The following KIF26B variants were observed in gnomAD, a reference collection of about 807,000 sequenced individuals.
KIF26B encodes the protein kinesin family member 26B.
A neutral mutation model predicts 151.2 loss-of-function variants in KIF26B; 63 were observed. That is an observed-to-expected ratio of 0.42 (90% confidence interval 0.34 to 0.51). The LOEUF (loss-of-function observed/expected upper bound fraction) is 0.51, where lower values mean the gene tolerates loss of function less well. Ranked by LOEUF, KIF26B falls within the 20% of genes least tolerant of loss-of-function variation. The pLI is 0.07. For synonymous variants in KIF26B, 1,357 were observed against 1,262.1 expected, an observed-to-expected ratio of 1.08 and a Z score of -1.59; for missense variants, 2,813 against 2,913.6, an observed-to-expected ratio of 0.97 and a Z score of 0.79.
intron 5 of KIF26B, among the ~76,000 whole-genome samples, chr1:245,580,267 C>G (rs1401672859): frequency 1.6e-4 from 25 of 152,212 alleles, no homozygotes. Context: ...AGTGGGACAT[C>G]AGAATGAGAC....
chr1:245,245,661 G>A (rs897287919), intron 2 of KIF26B, among the ~76,000 whole-genome samples: 3 of 152,002 alleles, frequency 2.0e-5, no homozygotes, highest in Admixed American at 6.6e-5. Context: ...TGCTGGGTGC[G>A]GTGGCTCATG....
chr1:245,658,806 C>T (rs1056277328), intron 10 of KIF26B, among the ~76,000 whole-genome samples: 8 of 152,312 alleles, frequency 5.3e-5, no homozygotes, highest in African/African-American at 1.2e-4. Context: ...CCTTTCCCCC[C>T]TCCTAATTCT....
At chr1:245,502,751 T>G (rs1449767443) in intron 4 of KIF26B, among the ~76,000 whole-genome samples, 1 of 151,840 alleles carries the variant, frequency 6.6e-6, no homozygotes, top group Non-Finnish European at 1.5e-5. Context: ...TAAAGACACA[T>G]AAAATGGTAG....
chr1:245,307,036 C>T (rs1435818818), intron 2 of KIF26B, among the ~76,000 whole-genome samples: 1 of 152,160 alleles, frequency 6.6e-6, no homozygotes, highest in Non-Finnish European at 1.5e-5. Context: ...CAGGATCAAA[C>T]TTATAAAGAG....
chr1:245,402,373 C>A (rs936066952), intron 3 of KIF26B, among the ~76,000 whole-genome samples: 1 of 152,172 alleles, frequency 6.6e-6, no homozygotes, highest in East Asian at 1.9e-4. Context: ...TTGGCAGGCT[C>A]GCTGGATACA....
At chr1:245,587,924 C>T (rs2043245120) in intron 5 of KIF26B, among the ~76,000 whole-genome samples, 1 of 152,164 alleles carries the variant, frequency 6.6e-6, no homozygotes, top group South Asian at 2.1e-4. Context: ...AGCATCCGTC[C>T]CAGCACATGA....
rs2044766281 is a variant in KIF26B at position 245,701,162 on chromosome 1, G to A, written c.6179-1296G>A. Among the ~76,000 whole-genome samples, 4 of 152,128 alleles carry A rather than the reference G, an allele frequency of 2.6e-5. No homozygotes were observed. The South Asian group carries it at 8.3e-4, about 32-fold the overall frequency. Reference sequence around the variant, plus strand: ...TGTCAAAAATCACTGTGTTTTTGATGCTGAGAAAGAAAATGAACAGAAAGC... The same window carrying A: ...TGTCAAAAATCACTGTGTTTTTGATACTGAGAAAGAAAATGAACAGAAAGC... On this transcript the variant is annotated intron_variant, in intron 14 of 14. Transcript: ENST00000407071.
rs982411585 is a variant in KIF26B, at chr1:245,167,452, G to C, written c.465+10769G>C. Among the ~76,000 whole-genome samples, 2 of 152,172 alleles carry C rather than the reference G, an allele frequency of 1.3e-5. No homozygotes were observed. The highest frequency in any genetic ancestry group is 2.9e-5 in the Non-Finnish European group (2 of 68,030). On this transcript the variant is annotated intron_variant, in intron 2 of 14. Transcript: ENST00000407071. The surrounding 1 kb of genome is among the most constrained non-coding windows in gnomAD (Gnocchi z 4.2). ...ATGAAACTCTATCATCGTATTTAGA[G>C]TGGTTGCTTTCTTTGGGGTTATAAT...
intron 9 of KIF26B, among the ~76,000 whole-genome samples, chr1:245,628,350 G>A (rs887850444): frequency 3.3e-5 from 5 of 152,190 alleles, no homozygotes; most frequent in East Asian, 1.9e-4. Flanking sequence ...GCATGGTGGC[G>A]GGTGCCTGTA....
chr1:245,688,169 A>T lies in KIF26B; in HGVS notation c.5186A>T (p.Gln1729Leu). Residue 1729 changes from glutamine to leucine, a missense_variant, in exon 12 of 15, where the codon CAG becomes CTG. By Grantham distance (113) the Gln-to-Leu change is moderately radical. This residue lies in a region of KIF26B where 2,060 missense variants were observed against 2,088.6 expected (regional missense o/e 0.99). Transcript: ENST00000407071. ...TCCGGGGCCTCGCCCAAGGCCGGCC[A>T]GTCCAAGATCTCCGCCGTGAGCAGA... is the stretch of plus-strand genomic sequence containing the variant. ...PSSGASPKAG[Q>L]SKISAVSRLL... The T allele has an allele frequency of 6.3e-7, 1 of 1,597,350 alleles. No individual in the cohort carries two copies. The highest frequency in any genetic ancestry group is 8.5e-7 in the Non-Finnish European group (1 of 1,178,572).
intron 4 of KIF26B, among the ~76,000 whole-genome samples, chr1:245,526,618 C>T (rs564258408): frequency 4.2e-4 from 64 of 152,298 alleles, no homozygotes; most frequent in Non-Finnish European, 6.6e-4. Flanking sequence ...TTAACCAAGA[C>T]GCCCCCAAAC....
At chr1:245,651,198 T>G (rs1258006503) in intron 10 of KIF26B, among the ~76,000 whole-genome samples, 2 of 152,224 alleles carry the variant, frequency 1.3e-5, no homozygotes, top group African/African-American at 4.8e-5. Context: ...CAAGGTCATC[T>G]TTAAGCTTGT....
intron 5 of KIF26B, among the ~76,000 whole-genome samples, chr1:245,587,121 C>T (rs544799476): frequency 6.6e-6 from 1 of 150,924 alleles, no homozygotes; most frequent in Non-Finnish European, 1.5e-5. Flanking sequence ...GTCAGCCTGC[C>T]CCCCTGCACC....
At position 245,685,924 on chromosome 1, in the gene KIF26B, G is replaced by T; in HGVS notation, c.2941G>T (p.Asp981Tyr). 2 of 1,612,752 alleles carry T rather than the reference G, an allele frequency of 1.2e-6. No individual in the cohort carries two copies. The highest frequency in any genetic ancestry group is 8.5e-7 in the Non-Finnish European group (1 of 1,179,578). Reference protein sequence around the residue: ...ASPLSESDKEDNGSEGQLTNR... With the variant: ...ASPLSESDKEYNGSEGQLTNR... ...CCCACTCTCTGAGTCTGATAAGGAA[G>T]ATAATGGGTCCGAAGGTCAGCTGAC... The change falls in exon 12 of 15, where the codon GAT becomes TAT. Residue 981 changes from aspartate to tyrosine, a missense_variant. Physicochemically the swap from Asp to Tyr is radical, Grantham distance 160. This residue lies in a region of KIF26B where 2,060 missense variants were observed against 2,088.6 expected (regional missense o/e 0.99). Transcript: ENST00000407071.
At chr1:245,317,032 G>T (rs1293251574) in intron 2 of KIF26B, among the ~76,000 whole-genome samples, 1 of 152,112 alleles carries the variant, frequency 6.6e-6, no homozygotes, top group Non-Finnish European at 1.5e-5. Context: ...ACATTTCAGG[G>T]TTGATTTGGA....
At chr1:245,647,510 T>C (rs1162447040) in intron 10 of KIF26B, among the ~76,000 whole-genome samples, 4 of 151,968 alleles carry the variant, frequency 2.6e-5, no homozygotes, top group Non-Finnish European at 5.9e-5. Flanking sequence ...GAAAGTCTGG[T>C]TACACCTATC....
At chr1:245,316,242 C>T (rs1671772837) in intron 2 of KIF26B, among the ~76,000 whole-genome samples, 1 of 151,994 alleles carries the variant, frequency 6.6e-6, no homozygotes, top group South Asian at 2.1e-4. Context: ...CTGCCTCAGC[C>T]TCCCAAGTAG....
intron 9 of KIF26B, among the ~76,000 whole-genome samples, chr1:245,623,247 G>A (rs2043685481): frequency 6.6e-6 from 1 of 151,830 alleles, no homozygotes; most frequent in Admixed American, 6.6e-5. Context: ...CTTCCTTCCT[G>A]TCTCCAGACC....
At chr1:245,405,352 C>T (rs902314006) in intron 3 of KIF26B, among the ~76,000 whole-genome samples, 1 of 152,172 alleles carries the variant, frequency 6.6e-6, no homozygotes, top group African/African-American at 2.4e-5. Context: ...TGCAGGTTTG[C>T]AATTAGAGGC....
Sources: gnomAD v4.1 joint callset for allele counts (sites outside exome capture counted in the v4.1 genomes callset) on GRCh38, gnomAD v4.1.1 for gene constraint, gnomAD v4.1.1 regional missense constraint, Gnocchi (gnomAD v3.1) non-coding constraint, MANE v1.5 for transcripts, NCBI Gene and HGNC (gene_info 2026-07-23, HGNC 2026-07-21) for gene names.